CCNJL: variants seen among roughly 807,000 people sequenced by gnomAD.
CCNJL encodes the protein cyclin-J-like protein.
Under a neutral mutation model 33.4 loss-of-function variants are expected in CCNJL, and 33 were observed. The observed-to-expected ratio is 0.99, with a 90% confidence interval of 0.75 to 1.32. The LOEUF (loss-of-function observed/expected upper bound fraction) is 1.32, where lower values mean the gene tolerates loss of function less well. Ranked by LOEUF, CCNJL falls within the 40% of genes most tolerant of loss-of-function variation. CCNJL has a pLI of 0.00. For synonymous variants in CCNJL, 227 were observed against 220.9 expected, an observed-to-expected ratio of 1.03 and a Z score of -0.24; for missense variants, 512 against 499.7, an observed-to-expected ratio of 1.02 and a Z score of -0.23.
chr5:160,307,666 G>C (rs1316247356), intron 2 of CCNJL, among the ~76,000 whole-genome samples: 1 of 152,132 alleles, frequency 6.6e-6, no homozygotes, highest in African/African-American at 2.4e-5. Context: ...TCAGGGAAGA[G>C]GGTCAAGGGG....
rs368325119 is a variant in CCNJL at position 160,253,341 on chromosome 5, A to C, written c.*37T>G. 274 of 1,535,528 alleles carry C rather than the reference A, an allele frequency of 1.8e-4. No homozygotes were observed. In the African/African-American group the frequency reaches 3.4e-3, roughly 19 times the overall value. ...TCTTCAGTGTCCTCTTCCTCTGCCC[A>C]CATCTCCAAGGCTTCCTCGTGAGGT... On this transcript the variant is annotated 3_prime_UTR_variant, in exon 6 of 6. Coordinates refer to ENST00000257536, the MANE Select transcript of CCNJL (RefSeq NM_001308173.3).
intron 3 of CCNJL, among the ~76,000 whole-genome samples, chr5:160,262,126 G>T (rs1219683760): frequency 6.6e-6 from 1 of 152,160 alleles, no homozygotes; most frequent in Non-Finnish European, 1.5e-5. Flanking sequence ...AGCCAGCCTT[G>T]GTTGCATGCA....
upstream of CCNJL, chr5:160,315,599 TAC>T: frequency 1.2e-5 from 1 of 80,148 alleles, no homozygotes; most frequent in South Asian, 1.5e-4. Context: ...CCAGTTAAAC[TAC>T]ATTCATGCAC....
chr5:160,260,544 G>A (rs1032471112), intron 3 of CCNJL, among the ~76,000 whole-genome samples: 10 of 152,214 alleles, frequency 6.6e-5, no homozygotes, highest in Admixed American at 6.5e-5. Context: ...TAGCAACCCC[G>A]GCAGTCATCA....
At chr5:160,320,914 C>CCCTT (rs1405687571) in intron 1 of CCNJL, among the ~76,000 whole-genome samples, 3 of 142,428 alleles carry the variant, frequency 2.1e-5, no homozygotes, top group Non-Finnish European at 4.6e-5. Flanking sequence ...CTCCCTCTGT[C>CCCTT]CCTTCCTTCC....
intron 2 of CCNJL, among the ~76,000 whole-genome samples, chr5:160,301,435 G>T (rs1056921829): frequency 1.3e-5 from 2 of 148,790 alleles, no homozygotes; most frequent in Non-Finnish European, 3.0e-5. Context: ...AATGGCCTAT[G>T]TCTTTTTTTT....
intron 3 of CCNJL, among the ~76,000 whole-genome samples, chr5:160,273,155 G>A (rs1761897043): frequency 6.6e-6 from 1 of 152,206 alleles, no homozygotes; most frequent in Non-Finnish European, 1.5e-5. Context: ...TGTGAACACT[G>A]AATTAGTGAA....
chr5:160,322,328 C>A (rs1486601472), intron 1 of CCNJL, among the ~76,000 whole-genome samples: 7 of 152,192 alleles, frequency 4.6e-5, no homozygotes, highest in Admixed American at 4.6e-4. Flanking sequence ...TCTAAGACTG[C>A]CCCAGACTTC....
chr5:160,288,967 A>G (rs10059192), intron 2 of CCNJL, among the ~76,000 whole-genome samples: 1 of 151,992 alleles, frequency 6.6e-6, no homozygotes, highest in Admixed American at 6.6e-5. Context: ...TGCCATAGCG[A>G]TCTACAACTG....
In CCNJL at chr5:160,311,939, G is replaced by C. The variant is rs375383720; in HGVS notation, c.-16C>G. On this transcript the variant is annotated 5_prime_UTR_variant, in exon 2 of 6. Coordinates refer to ENST00000257536, the MANE Select transcript of CCNJL (RefSeq NM_001308173.3). ...CATCCATCATCGCGTACGCAGCGCC[G>C]CTATCCGAGGCTACCCGGCTCTCAG... 1.2e-6 allele frequency: 2 copies of C among 1,613,116 alleles called. No homozygotes were observed. Among genetic ancestry groups the C allele is most frequent in the Admixed American group, 1.7e-5 (1 of 60,004 alleles).
At chr5:160,277,338 A>G (rs990004142) in intron 3 of CCNJL, among the ~76,000 whole-genome samples, 54 of 152,218 alleles carry the variant, frequency 3.5e-4, no homozygotes, top group Non-Finnish European at 7.6e-4. Context: ...CCGATGATTC[A>G]GGGGCACTGC....
At chr5:160,258,305 G>A (rs1052943218) in intron 4 of CCNJL, 8 of 747,824 alleles carry the variant, frequency 1.1e-5, no homozygotes, top group East Asian at 5.0e-5. Flanking sequence ...GATGGTATTC[G>A]AAAATGGTAT....
chr5:160,303,365 C>A (rs959343141), intron 2 of CCNJL, among the ~76,000 whole-genome samples: 5 of 151,946 alleles, frequency 3.3e-5, no homozygotes, highest in Non-Finnish European at 7.4e-5. Flanking sequence ...ATCACCATAC[C>A]CAGCTAATTT....
At chr5:160,284,281 G>C (rs1417946289) in intron 2 of CCNJL, among the ~76,000 whole-genome samples, 1 of 152,166 alleles carries the variant, frequency 6.6e-6, no homozygotes, top group Non-Finnish European at 1.5e-5. Flanking sequence ...GAGCACAGGA[G>C]GAGGAGGCTG....
At chr5:160,288,677 T>C (rs1480800105) in intron 2 of CCNJL, among the ~76,000 whole-genome samples, 1 of 151,944 alleles carries the variant, frequency 6.6e-6, no homozygotes, top group African/African-American at 2.4e-5. Flanking sequence ...GAGACCATCC[T>C]GGCGAACATG....
chr5:160,307,713 T>TA, intron 2 of CCNJL, among the ~76,000 whole-genome samples: 1 of 152,166 alleles, frequency 6.6e-6, no homozygotes, highest in East Asian at 1.9e-4. Context: ...ATCCCTGTAC[T>TA]GGCTGGCACT....
upstream of CCNJL, among the ~76,000 whole-genome samples, chr5:160,315,945 C>G (rs142142404): frequency 1.3e-5 from 2 of 152,222 alleles, no homozygotes; most frequent in East Asian, 3.9e-4. Context: ...CTGCCCTTTT[C>G]CTAAACTTCA....
At position 160,280,754 on chromosome 5, in the gene CCNJL, G is replaced by A. The variant is rs1309717105; in HGVS notation, c.67-16C>T. On this transcript the variant is annotated splice_polypyrimidine_tract_variant and intron_variant, in intron 2 of 5. Transcript: ENST00000257536. ...GCTTCAGTTCCTGGAGGACAGGCGG[G>A]GCGGAGGGGTGACGGTCAGGGCTGC... is the stretch of plus-strand genomic sequence containing the variant. The A allele has an allele frequency of 6.4e-7, 1 of 1,557,792 alleles. No homozygotes were observed. The highest frequency in any genetic ancestry group is 8.7e-7 in the Non-Finnish European group (1 of 1,144,292).
intron 1 of CCNJL, among the ~76,000 whole-genome samples, chr5:160,319,814 G>C (rs1763418515): frequency 6.6e-6 from 1 of 152,078 alleles, no homozygotes; most frequent in African/African-American, 2.4e-5. Flanking sequence ...GTGCAAGCCT[G>C]TTAGTGCCAG....
Sources: allele counts gnomAD v4.1 joint callset (sites outside exome capture counted in the v4.1 genomes callset), GRCh38; gene constraint gnomAD v4.1.1; transcripts MANE v1.5; gene names NCBI Gene and HGNC (gene_info 2026-07-23, HGNC 2026-07-21).